Variants in PARD3B observed in about 807,000 individuals in gnomAD.
PARD3B encodes partitioning defective 3 homolog B.
Under a neutral mutation model 130.2 loss-of-function variants are expected in PARD3B, and 103 were observed. That is an observed-to-expected ratio of 0.79 (90% CI 0.67 to 0.93). The LOEUF (loss-of-function observed/expected upper bound fraction) is 0.93. Ranked by LOEUF, PARD3B falls within the 40% of genes least tolerant of loss-of-function variation. The pLI, the probability that PARD3B is intolerant of heterozygous loss-of-function variation, is 0.00. For missense variants in PARD3B, 1,609 were observed against 1,499.2 expected, an observed-to-expected ratio of 1.07 and a Z score of -1.21; for synonymous variants, 583 against 553.2, an observed-to-expected ratio of 1.05 and a Z score of -0.76.
intron 2 of PARD3B, among the ~76,000 whole-genome samples, chr2:204,688,573 C>T (rs1233099606): frequency 7.1e-6 from 1 of 140,908 alleles, no homozygotes; most frequent in East Asian, 2.0e-4. Flanking sequence ...GAGCAAGACT[C>T]CATCTAAAAA....
At chr2:205,358,407 C>T (rs2044272546) in intron 18 of PARD3B, among the ~76,000 whole-genome samples, 1 of 152,160 alleles carries the variant, frequency 6.6e-6, no homozygotes, top group African/African-American at 2.4e-5. Context: ...AGTTTTATCA[C>T]CTCTCTCAGG....
rs1243043394 is a variant in PARD3B at position 205,591,473 on chromosome 2, C to T, written c.3261-23983C>T. On this transcript the variant is annotated intron_variant, in intron 22 of 22. Transcript: ENST00000406610. This position sits in a 1 kb window ranked among gnomAD's most constrained non-coding sequence, Gnocchi z 4.2. ...TCAGTCACTTACCACACCCATGCAC[C>T]ATGCTGAGTGCTTTACAGACTTTCT... Among the ~76,000 whole-genome samples, 2 of 152,174 alleles carry T rather than the reference C, an allele frequency of 1.3e-5. No homozygotes were observed. The highest frequency in any genetic ancestry group is 2.9e-5 in the Non-Finnish European group (2 of 68,030).
At chr2:205,526,795 G>A (rs1365730482) in intron 21 of PARD3B, among the ~76,000 whole-genome samples, 1 of 152,176 alleles carries the variant, frequency 6.6e-6, no homozygotes. Context: ...GTATGCAATG[G>A]CCAAAGCACA....
intron 2 of PARD3B, among the ~76,000 whole-genome samples, chr2:204,800,091 C>G (rs544412502): frequency 1.3e-5 from 2 of 152,226 alleles, no homozygotes; most frequent in East Asian, 3.9e-4. Flanking sequence ...ACACAGAATT[C>G]AAAATAGCTG....
intron 10 of PARD3B, among the ~76,000 whole-genome samples, chr2:205,137,730 C>A (rs1403793954): frequency 1.3e-5 from 2 of 152,172 alleles, no homozygotes; most frequent in East Asian, 3.9e-4. Flanking sequence ...ACGTGTCTGT[C>A]AGTTGGTACT....
chr2:205,394,234 T>G (rs983746619), intron 18 of PARD3B, among the ~76,000 whole-genome samples: 6 of 152,098 alleles, frequency 3.9e-5, no homozygotes, highest in African/African-American at 1.4e-4. Flanking sequence ...GTGTGGGGGG[T>G]TTTTCTATAA....
At chr2:205,306,137 G>A (rs942832174) in intron 18 of PARD3B, among the ~76,000 whole-genome samples, 2 of 152,136 alleles carry the variant, frequency 1.3e-5, no homozygotes, top group Non-Finnish European at 2.9e-5. Flanking sequence ...AGGGGACCAT[G>A]AGCCAAGGAA....
chr2:204,848,957 T>C (rs1469335246), intron 2 of PARD3B, among the ~76,000 whole-genome samples: 1 of 152,152 alleles, frequency 6.6e-6, no homozygotes, highest in East Asian at 1.9e-4. Flanking sequence ...AATCAATCTT[T>C]AAGGTCCTTT....
At chr2:205,364,768 C>T (rs2044534605) in intron 18 of PARD3B, among the ~76,000 whole-genome samples, 1 of 152,154 alleles carries the variant, frequency 6.6e-6, no homozygotes, top group African/African-American at 2.4e-5. Flanking sequence ...TGTCAAGTGG[C>T]TGTGACTACA....
intron 2 of PARD3B, among the ~76,000 whole-genome samples, chr2:204,964,826 C>A (rs943153567): frequency 1.3e-5 from 2 of 151,968 alleles, no homozygotes; most frequent in African/African-American, 4.8e-5. Context: ...TTAATGAAGT[C>A]ATTTTAGGCA....
chr2:205,411,720 C>G (rs550366407), intron 19 of PARD3B, among the ~76,000 whole-genome samples: 20 of 152,256 alleles, frequency 1.3e-4, no homozygotes, highest in African/African-American at 4.3e-4. Flanking sequence ...CTTTGCCCAG[C>G]TGGGAGTCAT....
chr2:205,109,031 A>G (rs1191163142), intron 5 of PARD3B, among the ~76,000 whole-genome samples: 1 of 151,850 alleles, frequency 6.6e-6, no homozygotes, highest in Non-Finnish European at 1.5e-5. Flanking sequence ...ATTACCTGTC[A>G]CAACCTTCCC....
chr2:205,557,820 C>T (rs2052959839), intron 22 of PARD3B, among the ~76,000 whole-genome samples: 1 of 152,108 alleles, frequency 6.6e-6, no homozygotes, highest in South Asian at 2.1e-4. Context: ...AGCTCATTTT[C>T]CCTGGCTTCT....
chr2:205,042,236 C>T (rs1432441963), intron 3 of PARD3B, among the ~76,000 whole-genome samples: 4 of 152,140 alleles, frequency 2.6e-5, no homozygotes, highest in Non-Finnish European at 4.4e-5. Flanking sequence ...CCAGCTGCCC[C>T]ACCATTAAAA....
Position 205,421,532 on chromosome 2 carries a change from G to A in PARD3B, c.2742-18838G>A, listed in dbSNP as rs1204055492. ...CATCTTTCATATTTCCACATTGCAG[G>A]AAAGATGAGCAATGACATATTGACC... On this transcript the variant is annotated intron_variant, in intron 19 of 22. Transcript: ENST00000406610. This position sits in a 1 kb window ranked among gnomAD's most constrained non-coding sequence, Gnocchi z 5.1. Among the ~76,000 whole-genome samples, 1 of 152,108 alleles carries A rather than the reference G, an allele frequency of 6.6e-6. No homozygotes were observed. Among genetic ancestry groups the A allele is most frequent in the East Asian group, 1.9e-4 (1 of 5,182 alleles).
intron 21 of PARD3B, among the ~76,000 whole-genome samples, chr2:205,523,243 TTATA>T (rs1210115446): frequency 3.5e-4 from 50 of 144,326 alleles, no homozygotes; most frequent in African/African-American, 1.2e-3. Context: ...ATATATATAT[TTATA>T]TATATATATA....
rs2125715643 is a variant in PARD3B at position 204,906,911 on chromosome 2, A to AT, written c.223-58236dup. ...ATGAAGATTGCTGGGAAATTTTAGC[A>AT]TTTTTGTGGAGAATTGGGTGTATTA... On this transcript the variant is annotated intron_variant, in intron 2 of 22. Coordinates refer to ENST00000406610, the MANE Select transcript of PARD3B (RefSeq NM_001302769.2). This position sits in a 1 kb window ranked among gnomAD's most constrained non-coding sequence, Gnocchi z 4.3. Among the ~76,000 whole-genome samples the AT allele has an allele frequency of 6.6e-6, 1 of 152,300 alleles. No homozygotes were observed. Among genetic ancestry groups the AT allele is most frequent in the Non-Finnish European group, 1.5e-5 (1 of 68,020 alleles).
rs569190282 is a variant in PARD3B at position 205,128,681 on chromosome 2, T to G, written c.1434+2944T>G. Among the ~76,000 whole-genome samples, 7 of 152,350 alleles carry G rather than the reference T, an allele frequency of 4.6e-5. No individual in the cohort carries two copies. The highest frequency in any genetic ancestry group is 2.6e-4 in the Admixed American group (4 of 15,308). Reference sequence around the variant, plus strand: ...CTCAAAATACGTTAGCTATAATTTTTTTTTCTAATACATGACCATTTCTGT... The same window carrying G: ...CTCAAAATACGTTAGCTATAATTTTGTTTTCTAATACATGACCATTTCTGT... On this transcript the variant is annotated intron_variant, in intron 10 of 22. Coordinates refer to ENST00000406610, the MANE Select transcript of PARD3B (RefSeq NM_001302769.2). The surrounding 1 kb of genome is among the most constrained non-coding windows in gnomAD (Gnocchi z 4.5).
intron 1 of PARD3B, among the ~76,000 whole-genome samples, chr2:204,676,406 C>T (rs2036545490): frequency 6.6e-6 from 1 of 151,972 alleles, no homozygotes; most frequent in African/African-American, 2.4e-5. Flanking sequence ...TGCACAGTAA[C>T]AGGGGAATCC....
Sources: gnomAD v4.1 joint callset for allele counts (sites outside exome capture counted in the v4.1 genomes callset) on GRCh38, gnomAD v4.1.1 for gene constraint, Gnocchi (gnomAD v3.1) non-coding constraint, MANE v1.5 for transcripts, NCBI Gene and HGNC (gene_info 2026-07-23, HGNC 2026-07-21) for gene names.